SUGCT: variants seen among roughly 807,000 people sequenced by gnomAD.
The protein encoded by SUGCT is succinyl-CoA:glutarate CoA-transferase.
SUGCT carries 41 observed loss-of-function variants against 55.0 expected under a neutral mutation model. That is an observed-to-expected ratio of 0.74 (90% confidence interval 0.58 to 0.97). The LOEUF is 0.97. SUGCT is among the 50% of genes least tolerant of loss of function. SUGCT has a pLI of 0.00. For missense variants in SUGCT, 568 were observed against 547.8 expected (o/e 1.04, Z -0.37); for synonymous variants, 187 against 200.4 (o/e 0.93, Z 0.56).
rs192243082 is a variant in SUGCT, at chr7:40,218,747, G to A, written c.485-18888G>A. On this transcript the variant is annotated intron_variant, in intron 6 of 13. Transcript: ENST00000335693. The stretch of plus-strand genomic sequence containing the variant: ...GCACCAATCAGCACTCTGTAAAAAC[G>A]CACCAATCAGCATTCTGTGTCTAGC... Among the ~76,000 whole-genome samples the A allele has an allele frequency of 5.5e-4, 84 of 152,190 alleles. 1 individual carries two copies. Among genetic ancestry groups the A allele is most frequent in the African/African-American group, 1.5e-3 (62 of 41,506 alleles).
chr7:40,833,356 G>T (rs984984461), intron 13 of SUGCT, among the ~76,000 whole-genome samples: 2 of 152,026 alleles, frequency 1.3e-5, no homozygotes, highest in African/African-American at 4.8e-5. Flanking sequence ...TCTCCCATTT[G>T]TGATGTAAAG....
intron 9 of SUGCT, among the ~76,000 whole-genome samples, chr7:40,437,205 A>G (rs1788227096): frequency 6.6e-6 from 1 of 152,160 alleles, no homozygotes; most frequent in Admixed American, 6.5e-5. Context: ...GCAGTTGCCC[A>G]TTTCCCTCCT....
At chr7:40,474,314 G>A (rs879792995) in intron 11 of SUGCT, among the ~76,000 whole-genome samples, 3 of 152,038 alleles carry the variant, frequency 2.0e-5, no homozygotes, top group Non-Finnish European at 4.4e-5. Flanking sequence ...AGTGTGGGGG[G>A]CAGAGGGGCA....
the SUGCT span, among the ~76,000 whole-genome samples, chr7:40,901,270 G>A: frequency 1.3e-5 from 2 of 152,284 alleles, no homozygotes; most frequent in African/African-American, 2.4e-5. Flanking sequence ...GGCTAGCAGC[G>A]AAGAAAACAA....
chr7:40,498,607 A>C (rs146926238), intron 12 of SUGCT, among the ~76,000 whole-genome samples: 1 of 152,256 alleles, frequency 6.6e-6, no homozygotes, highest in African/African-American at 2.4e-5. Flanking sequence ...AAGACCATGG[A>C]GTCAAAATTG....
Position 40,485,741 on chromosome 7 carries a change from G to GT in SUGCT, c.987-10538dup, listed in dbSNP as rs1459937141. 3.9e-5 allele frequency among the ~76,000 whole-genome samples: 6 copies of GT among 152,176 alleles called. No homozygotes were observed. The East Asian group carries it at 1.2e-3, about 29-fold the overall frequency. ...CTCATGTATACCTAATTTGTGGAGG[G>GT]TTTTTATCATGAAGGGATGTTGAGT... is the stretch of plus-strand genomic sequence containing the variant. On this transcript the variant is annotated intron_variant, in intron 11 of 13. Transcript: ENST00000335693.
chr7:40,443,708 C>T lies in SUGCT; in HGVS notation c.817-5579C>T, dbSNP rs552584004. On this transcript the variant is annotated intron_variant, in intron 9 of 13. Transcript: ENST00000335693. ...TCTGATGGTAGTTTCTTTTGCTGTG[C>T]AGAAGCTCTTTAGTTTAATTAGATC... Among the ~76,000 whole-genome samples, 198 of 152,260 alleles carry T rather than the reference C, an allele frequency of 1.3e-3. 1 individual carries two copies. Among genetic ancestry groups the T allele is most frequent in the African/African-American group, 4.5e-3 (189 of 41,556 alleles).
At chr7:40,428,490 T>C (rs1253794064) in intron 9 of SUGCT, among the ~76,000 whole-genome samples, 1 of 150,628 alleles carries the variant, frequency 6.6e-6, no homozygotes, top group Non-Finnish European at 1.5e-5. Flanking sequence ...TAATTTATTT[T>C]TGTAGTTGCT....
At chr7:40,572,675 T>C (rs944119076) in intron 12 of SUGCT, among the ~76,000 whole-genome samples, 3 of 152,238 alleles carry the variant, frequency 2.0e-5, no homozygotes, top group Non-Finnish European at 4.4e-5. Flanking sequence ...TTTAATCTCA[T>C]ATTATCCTAA....
the SUGCT span, chr7:40,965,470 T>C: frequency 6.6e-5 from 10 of 152,202 alleles, no homozygotes; most frequent in Non-Finnish European, 1.2e-4. Context: ...GGCAGAGTTA[T>C]ATATTAATAA....
intron 6 of SUGCT, among the ~76,000 whole-genome samples, chr7:40,220,096 G>A (rs1428169506): frequency 6.6e-6 from 1 of 152,120 alleles, no homozygotes; most frequent in Non-Finnish European, 1.5e-5. Flanking sequence ...CACCAATGAT[G>A]CTTTTTGTGG....
At chr7:40,541,039 A>G (rs1794647117) in intron 12 of SUGCT, among the ~76,000 whole-genome samples, 1 of 152,182 alleles carries the variant, frequency 6.6e-6, no homozygotes, top group Non-Finnish European at 1.5e-5. Context: ...AAAATGAAGG[A>G]AAAATACCCT....
chr7:40,973,933 G>A, the SUGCT span, among the ~76,000 whole-genome samples: 1 of 152,132 alleles, frequency 6.6e-6, no homozygotes, highest in African/African-American at 2.4e-5. Flanking sequence ...CCTGGCATTT[G>A]AGGCAGATAA....
intron 13 of SUGCT, among the ~76,000 whole-genome samples, chr7:40,816,118 G>A (rs1222804613): frequency 9.2e-5 from 14 of 152,232 alleles, no homozygotes; most frequent in African/African-American, 3.4e-4. Flanking sequence ...GGCTTGCAAT[G>A]TGAGGAGCAC....
intron 1 of SUGCT, among the ~76,000 whole-genome samples, chr7:40,140,093 A>G: frequency 6.6e-6 from 1 of 151,916 alleles, no homozygotes; most frequent in East Asian, 1.9e-4. Context: ...TAGTAGAGAC[A>G]GGGTTTCTCC....
intron 12 of SUGCT, among the ~76,000 whole-genome samples, chr7:40,533,885 A>G (rs898594591): frequency 9.9e-5 from 15 of 152,196 alleles, no homozygotes; most frequent in African/African-American, 3.6e-4. Context: ...CAAAATGGAC[A>G]GTCTTTTTAC....
Position 40,666,419 on chromosome 7 carries a change from GTTTTTTTTTTTTT to G in SUGCT, c.1090-83002_1090-82990del, listed in dbSNP as rs70990637. The stretch of plus-strand genomic sequence containing the variant: ...AGAAAGAAAGTAGGGTTATAGGTTA[GTTTTTTTTTTTTT>G]TTTTTTTTTTTTGGTGGGTGGACAG... On this transcript the variant is annotated intron_variant, in intron 12 of 13. Coordinates refer to ENST00000335693, the MANE Select transcript of SUGCT (RefSeq NM_001193313.2). Among the ~76,000 whole-genome samples, 13 of 72,236 alleles carry G rather than the reference GTTTTTTTTTTTTT, an allele frequency of 1.8e-4. 1 individual carries two copies. The Middle Eastern group carries it at 0.028, about 154-fold the overall frequency. The allele number at this position is 72,236 out of a possible 152,430, so 47.4% of individuals were successfully genotyped here. A position where few individuals can be genotyped will look rare whatever the true frequency, so the allele number is the denominator to read the frequency against.
At chr7:40,498,976 T>G in intron 12 of SUGCT, 1 of 421,394 alleles carries the variant, frequency 2.4e-6, no homozygotes, top group Non-Finnish European at 4.8e-6. Context: ...TATTTTTCAT[T>G]TTCCGTAAAA....
At chr7:40,576,934 C>T (rs141244953) in intron 12 of SUGCT, among the ~76,000 whole-genome samples, 3 of 152,212 alleles carry the variant, frequency 2.0e-5, no homozygotes, top group African/African-American at 7.2e-5. Context: ...ATCCTATTGT[C>T]CTGGGGCCAA....
Sources: gnomAD v4.1 joint callset for allele counts (sites outside exome capture counted in the v4.1 genomes callset) on GRCh38, gnomAD v4.1.1 for gene constraint, MANE v1.5 for transcripts, NCBI Gene and HGNC (gene_info 2026-07-23, HGNC 2026-07-21) for gene names.